The following RHPN2 variants were observed in gnomAD, a reference collection of about 807,000 sequenced individuals.
RHPN2 encodes the protein rhophilin-2.
RHPN2 carries 40 observed loss-of-function variants against 79.0 expected under a neutral mutation model. The observed-to-expected ratio is 0.51, with a 90% CI of 0.39 to 0.66. The LOEUF (loss-of-function observed/expected upper bound fraction) is 0.66. Among genes scored for constraint, RHPN2 ranks in the 30% least tolerant of loss-of-function variants. RHPN2 has a pLI of 0.00. For synonymous variants in RHPN2, 285 were observed against 363.5 expected (o/e 0.78, Z 2.46); for missense variants, 686 against 883.5 (o/e 0.78, Z 2.83).
rs955996547 is a variant in RHPN2, at chr19:33,026,489, G to C, written c.314+15C>G. On this transcript the variant is annotated intron_variant, in intron 3 of 14. Coordinates refer to ENST00000254260, the MANE Select transcript of RHPN2 (RefSeq NM_033103.5). ...TGGCTCAGAGGCTTTTGGAAGGTGT[G>C]CTGCTCCCACTTACTCTGTGTTCTG... The C allele has an allele frequency of 6.2e-7, 1 of 1,606,810 alleles. No homozygotes were observed. Among genetic ancestry groups the C allele is most frequent in the African/African-American group, 1.3e-5 (1 of 74,930 alleles).
intron 1 of RHPN2, among the ~76,000 whole-genome samples, chr19:33,052,679 C>T (rs1972198590): frequency 6.6e-6 from 1 of 152,232 alleles, no homozygotes. Flanking sequence ...AGATTCAGGG[C>T]AGGCTGGGTG....
intron 1 of RHPN2, among the ~76,000 whole-genome samples, chr19:33,050,723 G>A (rs1972179934): frequency 6.6e-6 from 1 of 151,922 alleles, no homozygotes; most frequent in Non-Finnish European, 1.5e-5. Context: ...TTGTTGCCCG[G>A]GCTGGAGCAC....
At chr19:32,982,833 A>G (rs1435102021) in intron 14 of RHPN2, among the ~76,000 whole-genome samples, 1 of 151,880 alleles carries the variant, frequency 6.6e-6, no homozygotes, top group Non-Finnish European at 1.5e-5. Context: ...CAAACCTCTA[A>G]TAGGCACCCA....
At chr19:33,004,830 G>C (rs1485494424) in intron 7 of RHPN2, among the ~76,000 whole-genome samples, 1 of 151,590 alleles carries the variant, frequency 6.6e-6, no homozygotes, top group African/African-American at 2.4e-5. Context: ...CAGGTGATCT[G>C]CCTGCCTCGG....
chr19:33,024,411 T>G (rs2145248541), intron 3 of RHPN2, among the ~76,000 whole-genome samples: 1 of 152,056 alleles, frequency 6.6e-6, no homozygotes, highest in South Asian at 2.1e-4. Context: ...CCAGCCTGGG[T>G]GACAGAGAGA....
At chr19:32,980,353 AT>A in intron 14 of RHPN2, 97 bp from the exon 15 acceptor site, 2 of 1,418,854 alleles carry the variant, frequency 1.4e-6, no homozygotes. Context: ...CACACCTGTA[AT>A]CCCAACAGTT....
chr19:33,057,322 G>A (rs1285747443), intron 1 of RHPN2, among the ~76,000 whole-genome samples: 1 of 151,864 alleles, frequency 6.6e-6, no homozygotes, highest in Non-Finnish European at 1.5e-5. Context: ...CAGCCTGGAT[G>A]ACACAGCAAC....
intron 11 of RHPN2, 117 bp downstream of exon 11, chr19:32,995,909 G>C (rs923894851): frequency 1.5e-4 from 146 of 960,000 alleles, no homozygotes; most frequent in Middle Eastern, 7.4e-4. Context: ...TCCCTACCCT[G>C]TGCAGCTCTC....
intron 7 of RHPN2, among the ~76,000 whole-genome samples, chr19:33,007,203 G>A (rs1186120831): frequency 1.3e-5 from 2 of 151,794 alleles, no homozygotes; most frequent in Non-Finnish European, 2.9e-5. Context: ...AAGGCATGGA[G>A]GGGCAGGGTG....
chr19:33,064,634 G>T, intron 1 of RHPN2, 150 bp downstream of exon 1: 1 of 698,476 alleles, frequency 1.4e-6, no homozygotes, highest in Non-Finnish European at 2.2e-6. Context: ...CTCCCCGCCA[G>T]CCTCCGTCCG....
At chr19:33,049,364 G>A (rs771555488) in intron 1 of RHPN2, among the ~76,000 whole-genome samples, 2 of 151,906 alleles carry the variant, frequency 1.3e-5, no homozygotes, top group East Asian at 1.9e-4. Flanking sequence ...GTGTAATAAC[G>A]AGACCTTAGC....
At chr19:33,012,531 C>T (rs772716789) in intron 5 of RHPN2, 116 bp downstream of exon 5, 41 of 786,020 alleles carry the variant, frequency 5.2e-5, no homozygotes, top group Non-Finnish European at 7.9e-5. Context: ...CCAGCACCCC[C>T]CAACCATCAC....
At chr19:32,983,494 G>C (rs1353705283) in intron 14 of RHPN2, among the ~76,000 whole-genome samples, 3 of 150,104 alleles carry the variant, frequency 2.0e-5, no homozygotes, top group Non-Finnish European at 4.4e-5. Flanking sequence ...CAGCCTGGGT[G>C]ACAGAACGAG....
chr19:33,050,062 T>A lies in RHPN2; in HGVS notation c.70-5698A>T, dbSNP rs7247582. On this transcript the variant is annotated intron_variant, in intron 1 of 14. Coordinates refer to ENST00000254260, the MANE Select transcript of RHPN2 (RefSeq NM_033103.5). ...TGTGTAAATCCATGCTCCCCCAACA[T>A]CCTTTCCAAAGGGAAGAACATCTGA... Among the ~76,000 whole-genome samples, 5 of 152,102 alleles carry A rather than the reference T, an allele frequency of 3.3e-5. No individual in the cohort carries two copies. The East Asian group carries it at 7.7e-4, about 24-fold the overall frequency.
chr19:33,033,753 A>AG (rs35981321), intron 2 of RHPN2, among the ~76,000 whole-genome samples: 30,387 of 148,584 alleles, frequency 0.2, 3,850 homozygotes, highest in East Asian at 0.5. Context: ...TTGTAATCCC[A>AG]CTACTTGGAA....
At chr19:33,032,009 G>A (rs1478617584) in intron 2 of RHPN2, among the ~76,000 whole-genome samples, 1 of 137,652 alleles carries the variant, frequency 7.3e-6, no homozygotes, top group Non-Finnish European at 1.5e-5. Flanking sequence ...TGAGCCACCG[G>A]GCCGGTCTTT....
In RHPN2 at chr19:32,996,129, T is replaced by C. The variant is rs543397656; in HGVS notation, c.1317A>G (p.Leu439=). The C allele has an allele frequency of 3.1e-6, 5 of 1,614,130 alleles. No individual in the cohort carries two copies. The East Asian group carries it at 1.1e-4, about 36-fold the overall frequency. The change falls in exon 11 of 15, where the codon CTA becomes CTG. Residue 439 remains leucine, a synonymous_variant. Transcript: ENST00000254260. ...CCTGTGCGGCACACAGCACCTTCTG[T>C]AGCACCTCAATGCTCCGCAGCTTCT... is the stretch of plus-strand genomic sequence containing the variant. ...LCKKLRSIEV[L]QKVLCAAQER...
At chr19:33,006,604 A>G (rs1971793449) in intron 7 of RHPN2, among the ~76,000 whole-genome samples, 1 of 152,232 alleles carries the variant, frequency 6.6e-6, no homozygotes, top group Non-Finnish European at 1.5e-5. Context: ...TGGGGAACAC[A>G]CTGTGGTCTA....
chr19:32,987,187 T>G (rs1330687629), intron 14 of RHPN2, among the ~76,000 whole-genome samples: 2 of 152,064 alleles, frequency 1.3e-5, no homozygotes, highest in Admixed American at 6.6e-5. Flanking sequence ...CACCAGTGAT[T>G]TTTAGTATAT....
Sources: gnomAD v4.1 joint callset for allele counts (sites outside exome capture counted in the v4.1 genomes callset) on GRCh38, gnomAD v4.1.1 for gene constraint, MANE v1.5 for transcripts, NCBI Gene and HGNC (gene_info 2026-07-23, HGNC 2026-07-21) for gene names.